The following RNF121 variants were observed in gnomAD, a reference collection of about 807,000 sequenced individuals.
RNF121 encodes the protein ring finger protein 121.
In RNF121, 21 loss-of-function variants were observed where a neutral mutation model predicts 46.5. The ratio of observed to expected loss-of-function variants is 0.45; its 90% CI spans 0.32 to 0.65. The LOEUF is 0.65. Among genes scored for constraint, RNF121 ranks in the 30% least tolerant of loss-of-function variants. The pLI is 0.04. For synonymous variants in RNF121, 139 were observed against 144.7 expected, an observed-to-expected ratio of 0.96 and a Z score of 0.28; for missense variants, 346 against 416.0, an observed-to-expected ratio of 0.83 and a Z score of 1.46.
At chr11:71,958,905 A>C (rs1351025958) in intron 2 of RNF121, among the ~76,000 whole-genome samples, 1 of 152,194 alleles carries the variant, frequency 6.6e-6, no homozygotes, top group Non-Finnish European at 1.5e-5. Context: ...CATTTTGTGC[A>C]CATCCGTTCA....
At chr11:71,950,991 G>C (rs1953863071) in intron 1 of RNF121, among the ~76,000 whole-genome samples, 1 of 152,196 alleles carries the variant, frequency 6.6e-6, no homozygotes, top group African/African-American at 2.4e-5. Context: ...TTGGGAGGCT[G>C]AGGTGGACGG....
intron 3 of RNF121, among the ~76,000 whole-genome samples, chr11:71,975,796 G>A (rs1039014284): frequency 6.6e-6 from 1 of 152,236 alleles, no homozygotes; most frequent in Non-Finnish European, 1.5e-5. Context: ...GAAACATGGA[G>A]TAAGTTTACT....
At chr11:71,949,825 T>C (rs1402530545) in intron 1 of RNF121, among the ~76,000 whole-genome samples, 1 of 151,042 alleles carries the variant, frequency 6.6e-6, no homozygotes, top group African/African-American at 2.4e-5. Context: ...TGAAACCCTG[T>C]CTCTACTGAA....
At chr11:71,974,042 C>T (rs948452194) in intron 3 of RNF121, among the ~76,000 whole-genome samples, 4 of 152,004 alleles carry the variant, frequency 2.6e-5, no homozygotes, top group South Asian at 2.1e-4. Flanking sequence ...CCCGGGTTCA[C>T]GCCATTCTCC....
At chr11:71,947,049 A>G (rs913930715) in intron 1 of RNF121, among the ~76,000 whole-genome samples, 9 of 151,908 alleles carry the variant, frequency 5.9e-5, no homozygotes, top group Non-Finnish European at 1.2e-4. Flanking sequence ...TATTTTAAGT[A>G]GAGACGGGGT....
At chr11:71,990,996 A>T (rs1382877587) in intron 6 of RNF121, among the ~76,000 whole-genome samples, 2 of 152,192 alleles carry the variant, frequency 1.3e-5, no homozygotes, top group Admixed American at 1.3e-4. Flanking sequence ...GCATGTTCTT[A>T]CTTATAAGTG....
At chr11:71,994,627 T>C (rs1187227286) in intron 6 of RNF121, 92 bp from the exon 7 acceptor site, 1 of 1,499,842 alleles carries the variant, frequency 6.7e-7, no homozygotes, top group Non-Finnish European at 9.2e-7. Flanking sequence ...ACTGTGCCTC[T>C]TCTCTAGAAG....
intron 3 of RNF121, among the ~76,000 whole-genome samples, chr11:71,963,217 A>G (rs957855270): frequency 5.9e-5 from 9 of 152,114 alleles, no homozygotes; most frequent in Non-Finnish European, 1.0e-4. Context: ...ATTTTGATGA[A>G]GTTCAGTATA....
At position 71,934,938 on chromosome 11, in the gene RNF121, A is replaced by ACTTTTTTTTT. The variant is rs780793577; in HGVS notation, c.63+5814_63+5815insCTTTTTTTTT. Among the ~76,000 whole-genome samples, 15 of 145,100 alleles carry ACTTTTTTTTT rather than the reference A, an allele frequency of 1.0e-4. 7 individuals are homozygous for ACTTTTTTTTT. The highest frequency in any genetic ancestry group is 1.3e-4 in the Non-Finnish European group (9 of 67,046). ...GTCCTGTGCCAAGTGTTCCAAATGCATTCTTTTTTTTTTTTTTTTTTTTTA... is the reference window on the plus strand; with the variant it reads ...GTCCTGTGCCAAGTGTTCCAAATGCACTTTTTTTTTTTCTTTTTTTTTTTTTTTTTTTTTA... On this transcript the variant is annotated intron_variant, in intron 1 of 8. Coordinates refer to ENST00000361756, the MANE Select transcript of RNF121 (RefSeq NM_018320.5).
chr11:71,963,892 T>TA (rs1954204787), intron 3 of RNF121, among the ~76,000 whole-genome samples: 1 of 152,240 alleles, frequency 6.6e-6, no homozygotes, highest in Admixed American at 6.5e-5. Context: ...CTTTTGCAGG[T>TA]ACCACATTGT....
intron 2 of RNF121, among the ~76,000 whole-genome samples, chr11:71,959,950 C>T (rs1954091119): frequency 6.6e-6 from 1 of 152,236 alleles, no homozygotes; most frequent in African/African-American, 2.4e-5. Context: ...ATTCCTTTCT[C>T]ATTCCTCTCC....
chr11:71,979,756 G>T (rs915042319), intron 3 of RNF121, among the ~76,000 whole-genome samples: 1 of 152,184 alleles, frequency 6.6e-6, no homozygotes, highest in Non-Finnish European at 1.5e-5. Context: ...GAGGATCTTA[G>T]CGCAGGCTGG....
At chr11:71,935,791 T>C (rs905868908) in intron 1 of RNF121, among the ~76,000 whole-genome samples, 3 of 152,108 alleles carry the variant, frequency 2.0e-5, no homozygotes, top group Non-Finnish European at 2.9e-5. Flanking sequence ...CATCAGGTAC[T>C]GAGTAAATAC....
chr11:71,950,542 C>A (rs1311417644), intron 1 of RNF121, among the ~76,000 whole-genome samples: 6 of 151,540 alleles, frequency 4.0e-5, no homozygotes, highest in African/African-American at 1.2e-4. Context: ...CGAGATCATG[C>A]CATCGCACTC....
intron 3 of RNF121, among the ~76,000 whole-genome samples, chr11:71,974,045 C>T (rs1237148057): frequency 2.0e-5 from 3 of 152,038 alleles, no homozygotes; most frequent in Non-Finnish European, 4.4e-5. Flanking sequence ...GGGTTCACGC[C>T]ATTCTCCTGC....
intron 3 of RNF121, among the ~76,000 whole-genome samples, chr11:71,976,020 G>T (rs1954519074): frequency 6.6e-6 from 1 of 152,158 alleles, no homozygotes; most frequent in Non-Finnish European, 1.5e-5. Flanking sequence ...AATGTGTAGT[G>T]TCTCACTAGG....
intron 1 of RNF121, among the ~76,000 whole-genome samples, chr11:71,936,412 C>CG (rs1189549317): frequency 4.2e-5 from 5 of 117,812 alleles, no homozygotes; most frequent in African/African-American, 1.6e-4. Flanking sequence ...ATTTTTTAGA[C>CG]AGAGTCTCGC....
chr11:71,931,463 C>A (rs924246583), intron 1 of RNF121, among the ~76,000 whole-genome samples: 4 of 152,126 alleles, frequency 2.6e-5, no homozygotes, highest in Non-Finnish European at 4.4e-5. Context: ...TCTGGCAGAC[C>A]TTAGTTGGTA....
intron 1 of RNF121, among the ~76,000 whole-genome samples, chr11:71,947,598 A>C (rs1009363771): frequency 1.6e-4 from 25 of 152,232 alleles, no homozygotes; most frequent in Admixed American, 1.2e-3. Context: ...AGATAGTTCA[A>C]TGTGGCTGGA....
Sources: gnomAD v4.1 joint callset for allele counts (sites outside exome capture counted in the v4.1 genomes callset) on GRCh38, gnomAD v4.1.1 for gene constraint, MANE v1.5 for transcripts, NCBI Gene and HGNC (gene_info 2026-07-23, HGNC 2026-07-21) for gene names.